The following RBFOX1 variants were observed in gnomAD, a reference collection of about 807,000 sequenced individuals.
RBFOX1 encodes the protein RNA binding fox-1 homolog 1.
A neutral mutation model predicts 57.7 loss-of-function variants in RBFOX1; 8 were observed. The ratio of observed to expected loss-of-function variants is 0.14; its 90% CI spans 0.08 to 0.25. RBFOX1 has a LOEUF of 0.25. Among genes scored for constraint, RBFOX1 ranks in the 10% least tolerant of loss-of-function variants. RBFOX1 has a pLI of 1.00. For synonymous variants in RBFOX1, 326 were observed against 222.4 expected, an observed-to-expected ratio of 1.47 and a Z score of -4.15; for missense variants, 611 against 548.5, an observed-to-expected ratio of 1.11 and a Z score of -1.14.
chr16:6,386,058 C>T (rs887698361), intron 2 of RBFOX1, among the ~76,000 whole-genome samples: 10 of 152,140 alleles, frequency 6.6e-5, no homozygotes, highest in South Asian at 4.2e-4. Flanking sequence ...GCCTCAGCCT[C>T]CCCAGTAGGT....
chr16:6,030,094 T>G (rs1233542845), intron 1 of RBFOX1, among the ~76,000 whole-genome samples: 1 of 152,018 alleles, frequency 6.6e-6, no homozygotes, highest in African/African-American at 2.4e-5. Flanking sequence ...TGTTTTTAAA[T>G]TTTTGTATTT....
chr16:5,610,514 C>T (rs559479064), intron 3 of RBFOX1: 23 of 152,112 alleles, frequency 1.5e-4, no homozygotes, highest in African/African-American at 3.6e-4. Flanking sequence ...TTAAAAACAC[C>T]GCAACGTACA....
At chr16:5,863,759 C>T (rs1043733586) in intron 3 of RBFOX1, among the ~76,000 whole-genome samples, 5 of 152,156 alleles carry the variant, frequency 3.3e-5, no homozygotes, top group East Asian at 1.9e-4. Context: ...GGCCACAAGC[C>T]GTACCACTCC....
At chr16:7,178,040 C>G (rs999836279) in intron 4 of RBFOX1, among the ~76,000 whole-genome samples, 2 of 152,216 alleles carry the variant, frequency 1.3e-5, no homozygotes, top group African/African-American at 4.8e-5. Flanking sequence ...GCCATGTACA[C>G]TTGTACTGTT....
intron 3 of RBFOX1, among the ~76,000 whole-genome samples, chr16:6,693,083 C>T (rs12921198): frequency 0.094 from 10,694 of 113,388 alleles, 447 homozygotes; most frequent in African/African-American, 0.13. Flanking sequence ...CCTCTACTAC[C>T]ATCACAACCA....
At chr16:5,720,381 A>G (rs753695038) in intron 3 of RBFOX1, among the ~76,000 whole-genome samples, 3 of 152,216 alleles carry the variant, frequency 2.0e-5, no homozygotes, top group African/African-American at 7.2e-5. Flanking sequence ...TGTGTTTGCC[A>G]TTGCTATTAT....
At chr16:6,397,544 A>G (rs2092892377) in intron 2 of RBFOX1, among the ~76,000 whole-genome samples, 1 of 152,178 alleles carries the variant, frequency 6.6e-6, no homozygotes, top group African/African-American at 2.4e-5. Context: ...CTGTAGCTTT[A>G]AAGGGTATCT....
At chr16:7,642,420 G>GC (rs1261713916) in intron 11 of RBFOX1, among the ~76,000 whole-genome samples, 1 of 152,162 alleles carries the variant, frequency 6.6e-6, no homozygotes, top group African/African-American at 2.4e-5. Flanking sequence ...AATGAACAAT[G>GC]CATGTGCGTC....
intron 3 of RBFOX1, among the ~76,000 whole-genome samples, chr16:6,854,940 C>G (rs1001874237): frequency 6.6e-6 from 1 of 151,854 alleles, no homozygotes; most frequent in African/African-American, 2.4e-5. Flanking sequence ...CAGAGGAGAA[C>G]TTTGATCACC....
intron 3 of RBFOX1, among the ~76,000 whole-genome samples, chr16:6,954,485 T>C (rs1348035671): frequency 6.6e-6 from 1 of 152,188 alleles, no homozygotes; most frequent in Non-Finnish European, 1.5e-5. Context: ...AAACGTAATT[T>C]TGTTGAAACA....
intron 3 of RBFOX1, among the ~76,000 whole-genome samples, chr16:6,795,563 C>G (rs530258861): frequency 6.6e-6 from 1 of 151,966 alleles, no homozygotes; most frequent in Non-Finnish European, 1.5e-5. Context: ...GTCACAAGTT[C>G]AAGACCAGCC....
chr16:7,234,531 G>A (rs1406167860), intron 4 of RBFOX1, among the ~76,000 whole-genome samples: 1 of 151,820 alleles, frequency 6.6e-6, no homozygotes, highest in African/African-American at 2.4e-5. Context: ...TCGTGTCCTG[G>A]ATAGTATGAA....
chr16:6,914,170 C>T (rs1597071594), intron 3 of RBFOX1, among the ~76,000 whole-genome samples: 1 of 152,160 alleles, frequency 6.6e-6, no homozygotes, highest in Admixed American at 6.5e-5. Flanking sequence ...TTTCTGATTT[C>T]AGACCAGATC....
chr16:7,597,376 T>C lies in RBFOX1; in HGVS notation c.567T>C (p.Asn189=). ...TGAGTTTTCTATGTACATAGGTAAA[T>C]AATGCCACAGCACGTGTAATGACAA... The part of the protein sequence containing the change: ...TVVEGRKIEV[N]NATARVMTNK... Residue 189 remains asparagine, a synonymous_variant, in exon 9 of 16, where the codon AAT becomes AAC. Coordinates refer to ENST00000550418, the MANE Select transcript of RBFOX1 (RefSeq NM_018723.4). 2 of 1,609,526 alleles carry C rather than the reference T, an allele frequency of 1.2e-6. No individual in the cohort carries two copies. Among genetic ancestry groups the C allele is most frequent in the Middle Eastern group, 1.7e-4 (1 of 6,048 alleles).
In RBFOX1 at chr16:5,781,589, G is replaced by A. The variant is rs144022757; in HGVS notation, c.319-85714G>A. 9.8e-4 allele frequency among the ~76,000 whole-genome samples: 149 copies of A among 152,310 alleles called. 1 individual carries two copies. The highest frequency in any genetic ancestry group is 3.7e-3 in the East Asian group (19 of 5,174). Reference sequence around the variant, plus strand: ...GGGCTTCATTGGCCATACGGACTCCGCCGCAACCATCAACTGTCTTATAGT... The same window carrying A: ...GGGCTTCATTGGCCATACGGACTCCACCGCAACCATCAACTGTCTTATAGT... On this transcript the variant is annotated intron_variant, in intron 3 of 19. Coordinates refer to the RBFOX1 transcript ENST00000641259.
intron 1 of RBFOX1, among the ~76,000 whole-genome samples, chr16:6,189,134 C>G (rs559261298): frequency 2.4e-4 from 36 of 152,216 alleles, no homozygotes; most frequent in Non-Finnish European, 5.0e-4. Context: ...CATTTTCCAT[C>G]TGTTGTCATG....
chr16:7,272,046 G>A (rs746973432), intron 4 of RBFOX1, among the ~76,000 whole-genome samples: 2 of 152,188 alleles, frequency 1.3e-5, no homozygotes, highest in Non-Finnish European at 2.9e-5. Flanking sequence ...TGCAGAGAGA[G>A]TGATAGCGGC....
At chr16:5,971,374 G>A (rs1038044059) in intron 4 of RBFOX1, among the ~76,000 whole-genome samples, 3 of 152,332 alleles carry the variant, frequency 2.0e-5, no homozygotes, top group Middle Eastern at 3.4e-3. Context: ...TGTGAGGGTG[G>A]TAAATAAGAT....
intron 4 of RBFOX1, among the ~76,000 whole-genome samples, chr16:7,171,435 G>T (rs1308436226): frequency 6.6e-6 from 1 of 152,114 alleles, no homozygotes; most frequent in Non-Finnish European, 1.5e-5. Flanking sequence ...TATGTTCCCT[G>T]GTTGCTTTAT....
Sources: allele counts gnomAD v4.1 joint callset (sites outside exome capture counted in the v4.1 genomes callset), GRCh38; gene constraint gnomAD v4.1.1; transcripts MANE v1.5; gene names NCBI Gene and HGNC (gene_info 2026-07-23, HGNC 2026-07-21).